Variants in ROBO2 observed in about 807,000 individuals in gnomAD.
ROBO2 encodes the protein roundabout homolog 2.
Under a neutral mutation model 160.8 loss-of-function variants are expected in ROBO2, and 53 were observed. That is an observed-to-expected ratio of 0.33 (90% CI 0.26 to 0.41). ROBO2 has a LOEUF of 0.41. Ranked by LOEUF, ROBO2 falls within the 10% of genes least tolerant of loss-of-function variation. The pLI, the probability that ROBO2 is intolerant of heterozygous loss-of-function variation, is 1.00. For missense variants in ROBO2, 1,577 were observed against 1,722.4 expected (o/e 0.92, Z 1.49); for synonymous variants, 664 against 611.7 (o/e 1.09, Z -1.26).
intron 1 of ROBO2, among the ~76,000 whole-genome samples, chr3:77,055,071 TA>T (rs759928177): frequency 2.9e-4 from 43 of 146,346 alleles, no homozygotes; most frequent in East Asian, 7.9e-4. Context: ...ACTCATTCTT[TA>T]AAAAAAAAAA....
chr3:76,930,790 T>C (rs1232135609), intron 2 of ROBO2, among the ~76,000 whole-genome samples: 1 of 152,234 alleles, frequency 6.6e-6, no homozygotes, highest in Admixed American at 6.5e-5. Flanking sequence ...TCTTTCACCT[T>C]TTTGTTCTGT....
intron 2 of ROBO2, among the ~76,000 whole-genome samples, chr3:77,382,733 T>A (rs190276404): frequency 7.9e-5 from 12 of 152,380 alleles, no homozygotes; most frequent in African/African-American, 2.9e-4. Context: ...ATCCATTTGC[T>A]GCAAAAGACG....
chr3:76,291,819 A>G (rs954203560), intron 2 of ROBO2, among the ~76,000 whole-genome samples: 2 of 152,038 alleles, frequency 1.3e-5, no homozygotes, highest in African/African-American at 4.8e-5. Context: ...ATGTAATTGT[A>G]TGATCTTGAT....
At chr3:77,582,230 T>C (rs986678823) in intron 16 of ROBO2, among the ~76,000 whole-genome samples, 5 of 152,184 alleles carry the variant, frequency 3.3e-5, no homozygotes, top group Non-Finnish European at 1.5e-5. Flanking sequence ...GCCTCCTGAG[T>C]AGCTGGAACT....
chr3:76,565,484 T>C (rs1430502256), intron 2 of ROBO2, among the ~76,000 whole-genome samples: 6 of 152,204 alleles, frequency 3.9e-5, no homozygotes, highest in African/African-American at 1.4e-4. Context: ...TCAAGTTTAG[T>C]AAAACTGTCT....
intron 9 of ROBO2, among the ~76,000 whole-genome samples, chr3:77,561,691 G>T (rs2093326583): frequency 1.3e-5 from 2 of 152,056 alleles, no homozygotes. Context: ...GCTTGAAATT[G>T]CAGTCACTCC....
intron 2 of ROBO2, among the ~76,000 whole-genome samples, chr3:76,716,551 A>G (rs1281714693): frequency 6.6e-6 from 1 of 152,210 alleles, no homozygotes; most frequent in Non-Finnish European, 1.5e-5. Flanking sequence ...ATTGTTATAT[A>G]TATCAGAGAA....
At chr3:76,741,066 G>T (rs73844030) in intron 2 of ROBO2, among the ~76,000 whole-genome samples, 1 of 151,880 alleles carries the variant, frequency 6.6e-6, no homozygotes, top group African/African-American at 2.4e-5. Context: ...TTTCTAGCTG[G>T]TTCTACTTAG....
In ROBO2 at chr3:76,691,650, C is replaced by T. The variant is rs28647902; in HGVS notation, c.110-406364C>T. The stretch of plus-strand genomic sequence containing the variant: ...TGGACAATGTTGATACAATCCAAGG[C>T]ATGGACATAGGAGAGGATGGTTTAA... On this transcript the variant is annotated intron_variant, in intron 2 of 26. Transcript: ENST00000487694. Among the ~76,000 whole-genome samples, 1,172 of 152,122 alleles carry T rather than the reference C, an allele frequency of 7.7e-3. 12 individuals are homozygous for T. The highest frequency in any genetic ancestry group is 0.025 in the African/African-American group (1,053 of 41,516).
At chr3:76,447,308 C>A (rs2077236631) in intron 2 of ROBO2, among the ~76,000 whole-genome samples, 1 of 152,044 alleles carries the variant, frequency 6.6e-6, no homozygotes, top group Non-Finnish European at 1.5e-5. Flanking sequence ...TCATCTCTGG[C>A]CATCAGAGAA....
At chr3:76,072,345 A>T (rs2107967790) in intron 2 of ROBO2, among the ~76,000 whole-genome samples, 2 of 152,208 alleles carry the variant, frequency 1.3e-5, no homozygotes, top group East Asian at 1.9e-4. Context: ...AAACTTTTTC[A>T]TATTTTACCT....
intron 2 of ROBO2, among the ~76,000 whole-genome samples, chr3:77,409,756 G>C (rs1314162893): frequency 6.6e-6 from 1 of 152,096 alleles, no homozygotes; most frequent in African/African-American, 2.4e-5. Flanking sequence ...CAGCTCAGTT[G>C]ATTTTGATGA....
chr3:77,300,438 A>G (rs932532910), intron 2 of ROBO2, among the ~76,000 whole-genome samples: 2 of 152,168 alleles, frequency 1.3e-5, no homozygotes, highest in African/African-American at 4.8e-5. Flanking sequence ...TAAAATGTAG[A>G]GAGCATGAAT....
chr3:76,896,627 A>T (rs1189805972), intron 2 of ROBO2, among the ~76,000 whole-genome samples: 1 of 152,152 alleles, frequency 6.6e-6, no homozygotes, highest in South Asian at 2.1e-4. Flanking sequence ...TTAGTATTAG[A>T]ATCTTATCAG....
chr3:77,316,839 G>C, intron 2 of ROBO2: 2 of 1,258,762 alleles, frequency 1.6e-6, no homozygotes, highest in African/African-American at 1.5e-5. Flanking sequence ...GTGTCAGTTT[G>C]ATACCTGGCT....
intron 2 of ROBO2, among the ~76,000 whole-genome samples, chr3:76,735,766 AAAAAAAAAAG>A (rs1218423776): frequency 3.3e-5 from 2 of 60,354 alleles, no homozygotes; most frequent in Admixed American, 2.0e-4. Flanking sequence ...TCTCAAAAAA[AAAAAAAAAAG>A]AAAAAAAAAA....
intron 2 of ROBO2, among the ~76,000 whole-genome samples, chr3:76,352,855 A>G (rs1415141509): frequency 6.6e-6 from 1 of 152,018 alleles, no homozygotes; most frequent in Non-Finnish European, 1.5e-5. Context: ...GCTATAACAA[A>G]ATAACTAACA....
intron 2 of ROBO2, among the ~76,000 whole-genome samples, chr3:76,528,332 T>G (rs908465352): frequency 3.9e-5 from 6 of 151,930 alleles, no homozygotes; most frequent in African/African-American, 1.5e-4. Flanking sequence ...TTAGGAACAA[T>G]TACAAGAACC....
Position 76,036,168 on chromosome 3 carries a change from G to C in ROBO2, c.109+98566G>C, listed in dbSNP as rs117372130. ...AAAGAAATTGGCTCACTTTTTTTTT[G>C]AGACCTGGTCTCACTCTGTCGCCCA... On this transcript the variant is annotated intron_variant, in intron 2 of 26. Transcript: ENST00000487694. Among the ~76,000 whole-genome samples the C allele has an allele frequency of 7.0e-3, 1,053 of 151,460 alleles. 72 individuals are homozygous for C. In the East Asian group the frequency reaches 0.17, roughly 25 times the overall value.
Sources: allele counts gnomAD v4.1 joint callset (sites outside exome capture counted in the v4.1 genomes callset), GRCh38; gene constraint gnomAD v4.1.1; transcripts MANE v1.5; gene names NCBI Gene and HGNC (gene_info 2026-07-23, HGNC 2026-07-21).